The following KCND2 variants were observed in gnomAD, a reference collection of about 807,000 sequenced individuals.
The protein encoded by KCND2 is A-type voltage-gated potassium channel KCND2.
KCND2 carries 16 observed loss-of-function variants against 54.4 expected under a neutral mutation model. The observed-to-expected ratio is 0.29, with a 90% CI of 0.20 to 0.45. KCND2 has a LOEUF of 0.45. KCND2 is among the 20% of genes least tolerant of loss of function. The pLI, the probability that KCND2 is intolerant of heterozygous loss-of-function variation, is 1.00. For synonymous variants in KCND2, 317 were observed against 310.7 expected, an observed-to-expected ratio of 1.02 and a Z score of -0.21; for missense variants, 486 against 824.2, an observed-to-expected ratio of 0.59 and a Z score of 5.02.
intron 1 of KCND2, among the ~76,000 whole-genome samples, chr7:120,647,145 T>C (rs1023993920): frequency 1.3e-5 from 2 of 152,230 alleles, no homozygotes; most frequent in Non-Finnish European, 2.9e-5. Context: ...CAGCCTAATC[T>C]TTGTGCATAG....
At chr7:120,584,367 A>T (rs1175038963) in intron 1 of KCND2, among the ~76,000 whole-genome samples, 1 of 152,274 alleles carries the variant, frequency 6.6e-6, no homozygotes, top group East Asian at 1.9e-4. Context: ...CGCATTTTAA[A>T]GTTTCCTTGC....
intron 1 of KCND2, among the ~76,000 whole-genome samples, chr7:120,703,134 G>A (rs554697980): frequency 6.6e-6 from 1 of 152,272 alleles, no homozygotes; most frequent in South Asian, 2.1e-4. Flanking sequence ...ACTCCTGAAT[G>A]GCGGCTGTCA....
chr7:120,609,704 C>T (rs557270161), intron 1 of KCND2, among the ~76,000 whole-genome samples: 44 of 152,232 alleles, frequency 2.9e-4, no homozygotes, highest in African/African-American at 1.0e-3. Flanking sequence ...CTGTGCCTAA[C>T]CACCAGATCT....
chr7:120,353,014 T>C (rs941225660), intron 1 of KCND2, among the ~76,000 whole-genome samples: 1 of 152,104 alleles, frequency 6.6e-6, no homozygotes, highest in South Asian at 2.1e-4. Flanking sequence ...TAATCAGTAA[T>C]ATTTATTAAT....
chr7:120,314,746 G>A (rs915226000), intron 1 of KCND2, among the ~76,000 whole-genome samples: 3 of 152,108 alleles, frequency 2.0e-5, no homozygotes, highest in Non-Finnish European at 4.4e-5. Context: ...GTAGTCCATT[G>A]TCAAGATAAA....
At chr7:120,561,812 A>G (rs1792237456) in intron 1 of KCND2, among the ~76,000 whole-genome samples, 1 of 151,932 alleles carries the variant, frequency 6.6e-6, no homozygotes, top group African/African-American at 2.4e-5. Context: ...GGGCTTCACC[A>G]TGTTAGTCAG....
intron 1 of KCND2, among the ~76,000 whole-genome samples, chr7:120,410,693 C>G (rs1267301640): frequency 8.1e-6 from 1 of 123,630 alleles, no homozygotes; most frequent in Non-Finnish European, 1.7e-5. Flanking sequence ...CTCTCCCACC[C>G]CCCTCCCCCT....
chr7:120,519,177 AAAC>A (rs1281370088), intron 1 of KCND2, among the ~76,000 whole-genome samples: 1 of 151,956 alleles, frequency 6.6e-6, no homozygotes, highest in South Asian at 2.1e-4. Flanking sequence ...ACAATACAAA[AAAC>A]AACAACAAAA....
intron 1 of KCND2, among the ~76,000 whole-genome samples, chr7:120,549,630 G>A (rs938991224): frequency 6.6e-6 from 1 of 152,144 alleles, no homozygotes; most frequent in African/African-American, 2.4e-5. Context: ...GAGAAATTGT[G>A]AACTCAACAG....
intron 1 of KCND2, among the ~76,000 whole-genome samples, chr7:120,622,498 T>C (rs1257973539): frequency 1.3e-5 from 2 of 151,884 alleles, no homozygotes; most frequent in Non-Finnish European, 2.9e-5. Flanking sequence ...TATATATATA[T>C]ACAGTCTCAT....
intron 1 of KCND2, among the ~76,000 whole-genome samples, chr7:120,308,535 T>G (rs1799681815): frequency 6.6e-6 from 1 of 152,226 alleles, no homozygotes; most frequent in African/African-American, 2.4e-5. Context: ...GCCTAGGCAT[T>G]GTACTTGTTT....
At chr7:120,691,694 A>C (rs1230143970) in intron 1 of KCND2, among the ~76,000 whole-genome samples, 1 of 152,124 alleles carries the variant, frequency 6.6e-6, no homozygotes, top group Non-Finnish European at 1.5e-5. Flanking sequence ...TCTAACCTGG[A>C]GGTACACATT....
chr7:120,393,634 G>A (rs976069628), intron 1 of KCND2, among the ~76,000 whole-genome samples: 4 of 151,832 alleles, frequency 2.6e-5, no homozygotes, highest in African/African-American at 9.7e-5. Flanking sequence ...AATATATGAA[G>A]ATTTAAAATT....
At chr7:120,391,159 C>T (rs1801071713) in intron 1 of KCND2, among the ~76,000 whole-genome samples, 2 of 152,076 alleles carry the variant, frequency 1.3e-5, no homozygotes, top group Admixed American at 1.3e-4. Context: ...TGAGTGAGAA[C>T]ATGCAGTGTT....
chr7:120,431,004 C>T (rs1223065523), intron 1 of KCND2, among the ~76,000 whole-genome samples: 1 of 152,152 alleles, frequency 6.6e-6, no homozygotes, highest in Admixed American at 6.5e-5. Context: ...ACCTTAAGCT[C>T]TTTGGGTTCT....
Position 120,435,232 on chromosome 7 carries a change from G to A in KCND2, c.1115+159485G>A, listed in dbSNP as rs1381060681. ...AGTGATTCTCATGCCTCAGCCTCCC[G>A]AGTAACTGGGATTGTAGGCGTGCAC... On this transcript the variant is annotated intron_variant, in intron 1 of 5. Transcript: ENST00000331113. Among the ~76,000 whole-genome samples, 5 of 150,426 alleles carry A rather than the reference G, an allele frequency of 3.3e-5. No homozygotes were observed. In the East Asian group the frequency reaches 5.9e-4, roughly 18 times the overall value.
intron 1 of KCND2, among the ~76,000 whole-genome samples, chr7:120,705,234 G>C (rs1271133543): frequency 6.6e-6 from 1 of 152,168 alleles, no homozygotes; most frequent in Non-Finnish European, 1.5e-5. Context: ...CATTTCCTAA[G>C]ACCTTGATGA....
intron 1 of KCND2, among the ~76,000 whole-genome samples, chr7:120,535,527 G>C (rs1791895141): frequency 6.6e-6 from 1 of 152,128 alleles, no homozygotes; most frequent in African/African-American, 2.4e-5. Context: ...AATTGAAACA[G>C]AGAGCGAGAG....
chr7:120,601,217 A>T (rs1792809608), intron 1 of KCND2, among the ~76,000 whole-genome samples: 2 of 152,100 alleles, frequency 1.3e-5, no homozygotes, highest in African/African-American at 2.4e-5. Flanking sequence ...ACACCTTAGG[A>T]GTTGGTACTA....
Sources: gnomAD v4.1 joint callset for allele counts (sites outside exome capture counted in the v4.1 genomes callset) on GRCh38, gnomAD v4.1.1 for gene constraint, MANE v1.5 for transcripts, NCBI Gene and HGNC (gene_info 2026-07-23, HGNC 2026-07-21) for gene names.